The following FBXL18 variants were observed in gnomAD, a reference collection of about 807,000 sequenced individuals.
The protein encoded by FBXL18 is F-box/LRR-repeat protein 18.
A neutral mutation model predicts 46.0 loss-of-function variants in FBXL18; 36 were observed. That is an observed-to-expected ratio of 0.78 (90% CI 0.60 to 1.03). The LOEUF (loss-of-function observed/expected upper bound fraction) is 1.03, where lower values mean the gene tolerates loss of function less well. Among genes scored for constraint, FBXL18 ranks in the 50% least tolerant of loss-of-function variants. The pLI, the probability that FBXL18 is intolerant of heterozygous loss-of-function variation, is 0.00. For synonymous variants in FBXL18, 557 were observed against 465.3 expected (o/e 1.20, Z -2.54); for missense variants, 977 against 1,004.1 (o/e 0.97, Z 0.36).
rs1418540518 is a variant in FBXL18, at chr7:5,479,019, G to A, written c.*2756C>T. Reference sequence around the variant, plus strand: ...CTGCAGAATATAAATTGCAACTAACGCTGGTGCCAAAATAGCACTTAGAGA... The same window carrying A: ...CTGCAGAATATAAATTGCAACTAACACTGGTGCCAAAATAGCACTTAGAGA... On this transcript the variant is annotated 3_prime_UTR_variant, in exon 5 of 5. Coordinates refer to ENST00000382368, the MANE Select transcript of FBXL18 (RefSeq NM_024963.6). 2.6e-5 allele frequency: 4 copies of A among 152,150 alleles called. No homozygotes were observed. Among genetic ancestry groups the A allele is most frequent in the Non-Finnish European group, 5.9e-5 (4 of 68,040 alleles). 9.4% of individuals were successfully genotyped at this position (152,150 alleles called of 1,614,324 possible).
intron 4 of FBXL18, among the ~76,000 whole-genome samples, chr7:5,459,114 T>C (rs766290360): frequency 7.2e-5 from 11 of 152,144 alleles, no homozygotes; most frequent in Non-Finnish European, 1.0e-4. Context: ...GATCATGCCA[T>C]TGCACTCCAG....
downstream of FBXL18, among the ~76,000 whole-genome samples, chr7:5,472,328 G>A (rs1252970439): frequency 6.6e-6 from 1 of 152,148 alleles, no homozygotes; most frequent in Non-Finnish European, 1.5e-5. Context: ...GCAAGTGGGG[G>A]GTCTGTGCCC....
In FBXL18 at chr7:5,500,880, G is replaced by A; in HGVS notation, c.1389C>T (p.Phe463=). 2 of 1,597,576 alleles carry A rather than the reference G, an allele frequency of 1.3e-6. No individual in the cohort carries two copies. The highest frequency in any genetic ancestry group is 1.1e-5 in the South Asian group (1 of 89,286). Residue 463 remains phenylalanine, a synonymous_variant, in exon 3 of 5, where the codon TTC becomes TTT. Transcript: ENST00000382368. ...RVGVQSCPSP[F]SGQACPQPSS... ...AGGGCTGGGGGCACGCCTGGCCCGA[G>A]AAGGGGCTGGGACAGGACTGCACGC...
rs748718531 is a variant in FBXL18, at chr7:5,513,709, C to A, written c.-35G>T. On this transcript the variant is annotated 5_prime_UTR_variant, in exon 1 of 5. Coordinates refer to ENST00000382368, the MANE Select transcript of FBXL18 (RefSeq NM_024963.6). ...GGGTCCGAACCGCGGCCGCGGGATC[C>A]GCAACCCCGTGCCTCCCACCTGCCC... 6.3e-7 allele frequency: 1 copy of A among 1,594,034 alleles called. No individual in the cohort carries two copies. The highest frequency in any genetic ancestry group is 2.3e-5 in the East Asian group (1 of 43,620).
At chr7:5,464,939 T>A (rs1783321007) in intron 4 of FBXL18, among the ~76,000 whole-genome samples, 2 of 151,590 alleles carry the variant, frequency 1.3e-5, no homozygotes, top group African/African-American at 4.8e-5. Flanking sequence ...GGTGCGCGCC[T>A]GTAATCTCAG....
intron 3 of FBXL18, among the ~76,000 whole-genome samples, chr7:5,497,478 T>C (rs1165377938): frequency 6.6e-6 from 1 of 152,092 alleles, no homozygotes; most frequent in Non-Finnish European, 1.5e-5. Context: ...CATTTGAAAG[T>C]CCTGGGTTTG....
intron 4 of FBXL18, among the ~76,000 whole-genome samples, chr7:5,482,187 A>G (rs1434846896): frequency 1.3e-5 from 2 of 152,188 alleles, no homozygotes; most frequent in African/African-American, 4.8e-5. Context: ...CACCCGCTCC[A>G]TGCCAGCCAC....
At chr7:5,457,651 A>G (rs968507056) in intron 4 of FBXL18, among the ~76,000 whole-genome samples, 3 of 152,208 alleles carry the variant, frequency 2.0e-5, no homozygotes, top group Admixed American at 1.3e-4. Flanking sequence ...GTCAAGCTGT[A>G]TTTTAAAAAG....
At position 5,502,036 on chromosome 7, in the gene FBXL18, G is replaced by C; in HGVS notation, c.238-5C>G. The C allele has an allele frequency of 6.4e-7, 1 of 1,570,180 alleles. No individual in the cohort carries two copies. The highest frequency in any genetic ancestry group is 1.2e-5 in the South Asian group (1 of 85,218). On this transcript the variant is annotated splice_polypyrimidine_tract_variant and splice_region_variant and intron_variant, in intron 2 of 4. Coordinates refer to ENST00000382368, the MANE Select transcript of FBXL18 (RefSeq NM_024963.6). ...CCTCACTTTGTCCTCGCTCGCCTGC[G>C]GGACAGAGGCAGGGTGGGGAGAGGA...
rs1359439906 is a variant in FBXL18, at chr7:5,477,489, G to C, written c.*4286C>G. On this transcript the variant is annotated 3_prime_UTR_variant, in exon 5 of 5. Coordinates refer to ENST00000382368, the MANE Select transcript of FBXL18 (RefSeq NM_024963.6). The surrounding 1 kb of genome is among the most constrained non-coding windows in gnomAD (Gnocchi z 4.4). ...AGGCCGAGGCAGGAGAATCACTTGA[G>C]GTCAGGAGTTCAAGGCCAGCCTGAC... Among the ~76,000 whole-genome samples the C allele has an allele frequency of 2.0e-5, 3 of 151,622 alleles. No individual in the cohort carries two copies. The highest frequency in any genetic ancestry group is 2.9e-5 in the Non-Finnish European group (2 of 68,030).
chr7:5,505,109 T>G (rs1004149196), intron 2 of FBXL18, among the ~76,000 whole-genome samples: 1 of 150,962 alleles, frequency 6.6e-6, no homozygotes, highest in Admixed American at 6.6e-5. Context: ...ACCCAGCAAT[T>G]CCACTCCTAG....
Position 5,478,617 on chromosome 7 carries a change from AT to A in FBXL18, c.*3157del, listed in dbSNP as rs1197130322. 6.6e-6 allele frequency: 1 copy of A among 152,322 alleles called. No individual in the cohort carries two copies. The highest frequency in any genetic ancestry group is 1.5e-5 in the Non-Finnish European group (1 of 68,108). The allele number at this position is 152,322 out of a possible 1,614,324, so 9.4% of individuals were successfully genotyped here. A position where few individuals can be genotyped will look rare whatever the true frequency, so the allele number is the denominator to read the frequency against. On this transcript the variant is annotated 3_prime_UTR_variant, in exon 5 of 5. Transcript: ENST00000382368. The stretch of plus-strand genomic sequence containing the variant: ...GCTCTCCCTTTTAAAGAACAAAGGG[AT>A]ACATACCCTTTCCCCTCCTCCCTCC...
chr7:5,488,925 T>C (rs896904630), intron 4 of FBXL18, among the ~76,000 whole-genome samples: 5 of 152,124 alleles, frequency 3.3e-5, no homozygotes, highest in Admixed American at 2.0e-4. Context: ...TGTGACCCAC[T>C]CAGCCCTCCT....
chr7:5,505,649 C>A lies in FBXL18; in HGVS notation c.19-19G>T. ...ATATGTCCTGAAAATAAGGGGGACACCATTCCCACAGGATCCCCAAGGATG... is the reference window on the plus strand; with the variant it reads ...ATATGTCCTGAAAATAAGGGGGACAACATTCCCACAGGATCCCCAAGGATG... On this transcript the variant is annotated intron_variant, in intron 1 of 4. Coordinates refer to ENST00000382368, the MANE Select transcript of FBXL18 (RefSeq NM_024963.6). 1 of 1,606,034 alleles carries A rather than the reference C, an allele frequency of 6.2e-7. No individual in the cohort carries two copies. The highest frequency in any genetic ancestry group is 8.5e-7 in the Non-Finnish European group (1 of 1,173,350).
In FBXL18 at chr7:5,501,204, G is replaced by C; in HGVS notation, c.1065C>G (p.His355Gln). ...GGAGCAGCGAGTCTGGGGACAGGCA[G>C]TGGACGCAGCCGCTGAGGTTCAAGC... ...LASLNLSGCV[H>Q]CLSPDSLLRK... The change falls in exon 3 of 5, where the codon CAC becomes CAG. Residue 355 changes from histidine to glutamine, a missense_variant. Coordinates refer to ENST00000382368, the MANE Select transcript of FBXL18 (RefSeq NM_024963.6). 6.2e-7 allele frequency: 1 copy of C among 1,613,336 alleles called. No homozygotes were observed.
chr7:5,470,671 C>T (rs935121347), intron 4 of FBXL18, among the ~76,000 whole-genome samples: 4 of 152,142 alleles, frequency 2.6e-5, no homozygotes, highest in East Asian at 1.9e-4. Context: ...CTCCGACCCC[C>T]GGCCCAGAGG....
At chr7:5,468,391 A>G (rs1783378286) in intron 4 of FBXL18, among the ~76,000 whole-genome samples, 2 of 152,192 alleles carry the variant, frequency 1.3e-5, no homozygotes, top group Admixed American at 1.3e-4. Flanking sequence ...TGCTGGGATT[A>G]CAGGCGTGAG....
chr7:5,497,895 G>T (rs910897029), intron 3 of FBXL18, among the ~76,000 whole-genome samples: 1 of 151,900 alleles, frequency 6.6e-6, no homozygotes, highest in African/African-American at 2.4e-5. Context: ...ACGTGCCCAC[G>T]TGCCCCTTAG....
At chr7:5,458,525 C>G (rs1460873163) in intron 4 of FBXL18, among the ~76,000 whole-genome samples, 1 of 151,854 alleles carries the variant, frequency 6.6e-6, no homozygotes, top group Non-Finnish European at 1.5e-5. Flanking sequence ...TGATGAAACT[C>G]CGTCTCTACT....
Sources: allele counts gnomAD v4.1 joint callset (sites outside exome capture counted in the v4.1 genomes callset), GRCh38; gene constraint gnomAD v4.1.1; non-coding constraint Gnocchi (gnomAD v3.1); transcripts MANE v1.5; gene names NCBI Gene and HGNC (gene_info 2026-07-23, HGNC 2026-07-21).